The following PHOX2A variants were observed in gnomAD, a reference collection of about 807,000 sequenced individuals.
The protein encoded by PHOX2A is paired like homeobox 2A, also known as paired mesoderm homeobox protein 2A.
In PHOX2A, 10 loss-of-function variants were observed where a neutral mutation model predicts 16.4. The observed-to-expected ratio is 0.61, with a 90% confidence interval of 0.38 to 1.04. The LOEUF is 1.04. Ranked by LOEUF, PHOX2A falls within the 50% of genes least tolerant of loss-of-function variation. The pLI, the probability that PHOX2A is intolerant of heterozygous loss-of-function variation, is 0.01. For synonymous variants in PHOX2A, 219 were observed against 203.8 expected (o/e 1.07, Z -0.64); for missense variants, 361 against 419.4 (o/e 0.86, Z 1.22).
rs1949095282 is a variant in PHOX2A, at chr11:72,239,614, A to G, written c.*135T>C. 1.6e-6 allele frequency: 1 copy of G among 625,022 alleles called. No homozygotes were observed. The highest frequency in any genetic ancestry group is 1.9e-5 in the African/African-American group (1 of 52,582). The allele number at this position is 625,022 out of a possible 1,614,324, so 38.7% of individuals were successfully genotyped here. On this transcript the variant is annotated 3_prime_UTR_variant, in exon 3 of 3. Transcript: ENST00000298231. ...TGGTCTCCAAAGTTGGGGAGGACAC[A>G]CCGAGGGGTGAGACAGTAGGGAGTG...
intron 2 of PHOX2A, 132 bp downstream of exon 2, chr11:72,240,970 C>T: frequency 2.1e-6 from 2 of 955,946 alleles, no homozygotes; most frequent in Non-Finnish European, 3.2e-6. Flanking sequence ...CCCGTAGCTG[C>T]CCAAGCACCC....
Position 72,243,862 on chromosome 11 carries a change from G to A in PHOX2A, c.143C>T (p.Pro48Leu), listed in dbSNP as rs962759002. ...LRPAFPAAGP[P>L]CPALGSSNCA... ...GTTGGAGGAGCCGAGCGCGGGGCAG[G>A]GCGGCCCTGCCGCGGGGAAAGCGGG... Residue 48 changes from proline to leucine, a missense_variant, in exon 1 of 3, where the codon CCC (proline) becomes CTC (leucine). This residue lies in a region of PHOX2A where 235 missense variants were observed against 263.8 expected (regional missense o/e 0.89). Coordinates refer to ENST00000298231, the MANE Select transcript of PHOX2A (RefSeq NM_005169.4). The A allele has an allele frequency of 7.9e-7, 1 of 1,271,624 alleles. No homozygotes were observed. Among genetic ancestry groups the A allele is most frequent in the Middle Eastern group, 3.0e-4 (1 of 3,310 alleles). The allele number at this position is 1,271,624 out of a possible 1,614,324, so 78.8% of individuals were successfully genotyped here. A position where few individuals can be genotyped will look rare whatever the true frequency, so the allele number is the denominator to read the frequency against.
At position 72,239,171 on chromosome 11, in the gene PHOX2A, A is replaced by C. The variant is rs1292454660; in HGVS notation, c.*578T>G. 1 of 152,338 alleles carries C rather than the reference A, an allele frequency of 6.6e-6. No individual in the cohort carries two copies. Among genetic ancestry groups the C allele is most frequent in the African/African-American group, 2.4e-5 (1 of 41,464 alleles). The allele number at this position is 152,338 out of a possible 1,614,324, so 9.4% of individuals were successfully genotyped here. ...AAGGACAACCAAAAAAATTAGGGAA[A>C]GAGAATCCCTCTGTCCCATTCCCCA... On this transcript the variant is annotated 3_prime_UTR_variant, in exon 3 of 3. Transcript: ENST00000298231.
intron 1 of PHOX2A, among the ~76,000 whole-genome samples, chr11:72,243,095 G>T (rs976912931): frequency 6.6e-6 from 1 of 152,218 alleles, no homozygotes; most frequent in African/African-American, 2.4e-5. Context: ...GAGGTTGAGG[G>T]TTTGGACAGG....
In PHOX2A at chr11:72,244,011, G is replaced by T. The variant is rs763677231; in HGVS notation, c.-7C>A. On this transcript the variant is annotated 5_prime_UTR_variant, in exon 1 of 3. Transcript: ENST00000298231. ...TGAGGTAGGAGTAGTCCATCGGCCCGGGGGGCGGGGGCGGGGGCCGGGCCA... is the reference window on the plus strand; with the variant it reads ...TGAGGTAGGAGTAGTCCATCGGCCCTGGGGGCGGGGGCGGGGGCCGGGCCA... 3 of 1,263,076 alleles carry T rather than the reference G, an allele frequency of 2.4e-6. No individual in the cohort carries two copies. Among genetic ancestry groups the T allele is most frequent in the Non-Finnish European group, 3.0e-6 (3 of 993,880 alleles). 78.2% of individuals were successfully genotyped at this position (1,263,076 alleles called of 1,614,324 possible). A position where few individuals can be genotyped will look rare whatever the true frequency, so the allele number is the denominator to read the frequency against.
Position 72,240,046 on chromosome 11 carries a change from G to A in PHOX2A, c.558C>T (p.Pro186=), listed in dbSNP as rs758995593. Residue 186 remains proline (P), a synonymous_variant, in exon 3 of 3, where the codon CCC becomes CCT. Coordinates refer to ENST00000298231, the MANE Select transcript of PHOX2A (RefSeq NM_005169.4). ...GCGGCGGCAGCGAGGCGGTGCTATC[G>A]GGCGTGGGGCTGCACGTGGACTCCT... is the stretch of plus-strand genomic sequence containing the variant. ...DSKESTCSPT[P]DSTASLPPPP... 1.3e-6 allele frequency: 2 copies of A among 1,491,094 alleles called. No homozygotes were observed. Among genetic ancestry groups the A allele is most frequent in the South Asian group, 1.3e-5 (1 of 79,030 alleles). The allele number at this position is 1,491,094 out of a possible 1,614,324, so 92.4% of individuals were successfully genotyped here.
intron 2 of PHOX2A, 68 bp downstream of exon 2, chr11:72,241,034 G>T: frequency 2.0e-6 from 3 of 1,510,994 alleles, no homozygotes; most frequent in South Asian, 1.1e-5. Context: ...CTACCCCCAG[G>T]TGTTAGACAT....
chr11:72,243,015 G>A (rs984321187), intron 1 of PHOX2A, among the ~76,000 whole-genome samples: 1 of 152,094 alleles, frequency 6.6e-6, no homozygotes, highest in Non-Finnish European at 1.5e-5. Context: ...TCCCAGGAGG[G>A]AAGGCGATAA....
chr11:72,242,390 A>C (rs1030686250), intron 1 of PHOX2A, among the ~76,000 whole-genome samples: 2 of 151,790 alleles, frequency 1.3e-5, no homozygotes, highest in African/African-American at 2.4e-5. Context: ...CCTGATACTT[A>C]TCTCTATCTC....
rs930808582 is a variant in PHOX2A at position 72,239,277 on chromosome 11, T to C, written c.*472A>G. The C allele has an allele frequency of 1.2e-4, 18 of 153,524 alleles. No homozygotes were observed. The highest frequency in any genetic ancestry group is 4.3e-4 in the African/African-American group (18 of 41,438). The allele number at this position is 153,524 out of a possible 1,614,324, so 9.5% of individuals were successfully genotyped here. A position where few individuals can be genotyped will look rare whatever the true frequency, so the allele number is the denominator to read the frequency against. Reference sequence around the variant, plus strand: ...AGAGAGGAGACACGTGAGGGATGAATTGGCGGTGGTCATTAATTATCCCGG... The same window carrying C: ...AGAGAGGAGACACGTGAGGGATGAACTGGCGGTGGTCATTAATTATCCCGG... On this transcript the variant is annotated 3_prime_UTR_variant, in exon 3 of 3. Transcript: ENST00000298231.
Position 72,239,181 on chromosome 11 carries a change from T to C in PHOX2A, c.*568A>G, listed in dbSNP as rs1357322825. 1 of 152,310 alleles carries C rather than the reference T, an allele frequency of 6.6e-6. No individual in the cohort carries two copies. Among genetic ancestry groups the C allele is most frequent in the Non-Finnish European group, 1.5e-5 (1 of 68,122 alleles). The allele number at this position is 152,310 out of a possible 1,614,324, so 9.4% of individuals were successfully genotyped here. On this transcript the variant is annotated 3_prime_UTR_variant, in exon 3 of 3. Coordinates refer to ENST00000298231, the MANE Select transcript of PHOX2A (RefSeq NM_005169.4). ...AAAAAAATTAGGGAAAGAGAATCCC[T>C]CTGTCCCATTCCCCAGGCAGCCCCT...
intron 1 of PHOX2A, among the ~76,000 whole-genome samples, chr11:72,243,264 T>A (rs1949135957): frequency 6.6e-6 from 1 of 152,192 alleles, no homozygotes; most frequent in Admixed American, 6.5e-5. Flanking sequence ...ACAGAAGGGT[T>A]CGGTCCCAGG....
chr11:72,243,707 G>C, intron 1 of PHOX2A, 81 bp downstream of exon 1: 1 of 801,986 alleles, frequency 1.2e-6, no homozygotes, highest in Non-Finnish European at 1.7e-6. Flanking sequence ...GCGGCTGAGG[G>C]GGACAGTCGC....
chr11:72,244,011 GGGGGGCGGGGGC>G lies in PHOX2A; in HGVS notation c.-19_-8del. The G allele has an allele frequency of 7.9e-7, 1 of 1,263,064 alleles. No homozygotes were observed. Among genetic ancestry groups the G allele is most frequent in the Non-Finnish European group, 1.0e-6 (1 of 993,868 alleles). 78.2% of individuals were successfully genotyped at this position (1,263,064 alleles called of 1,614,324 possible). A position where few individuals can be genotyped will look rare whatever the true frequency, so the allele number is the denominator to read the frequency against. ...TGAGGTAGGAGTAGTCCATCGGCCC[GGGGGGCGGGGGC>G]GGGGGCCGGGCCAGGCCGGGTCGGG... On this transcript the variant is annotated 5_prime_UTR_variant, in exon 1 of 3. Transcript: ENST00000298231.
In PHOX2A at chr11:72,239,730, A is replaced by T. The variant is rs1484182897; in HGVS notation, c.*19T>A. ...GGGACGTCTCTGGGGGCAGGCTCGG[A>T]GCCTCCAGAGGCCGGCAGCTAGAAG... On this transcript the variant is annotated 3_prime_UTR_variant, in exon 3 of 3. Transcript: ENST00000298231. The T allele has an allele frequency of 7.7e-7, 1 of 1,305,568 alleles. No individual in the cohort carries two copies. The allele number at this position is 1,305,568 out of a possible 1,614,324, so 80.9% of individuals were successfully genotyped here. A position where few individuals can be genotyped will look rare whatever the true frequency, so the allele number is the denominator to read the frequency against.
At chr11:72,242,182 C>T (rs2135456858) in intron 1 of PHOX2A, among the ~76,000 whole-genome samples, 2 of 152,200 alleles carry the variant, frequency 1.3e-5, no homozygotes, top group Middle Eastern at 6.8e-3. Flanking sequence ...CCAGTCTCCA[C>T]TGCCCCATAG....
In PHOX2A at chr11:72,239,112, A is replaced by G. The variant is rs1484987477; in HGVS notation, c.*637T>C. 1 of 152,182 alleles carries G rather than the reference A, an allele frequency of 6.6e-6. No homozygotes were observed. The highest frequency in any genetic ancestry group is 1.5e-5 in the Non-Finnish European group (1 of 68,058). The allele number at this position is 152,182 out of a possible 1,614,324, so 9.4% of individuals were successfully genotyped here. A position where few individuals can be genotyped will look rare whatever the true frequency, so the allele number is the denominator to read the frequency against. On this transcript the variant is annotated 3_prime_UTR_variant, in exon 3 of 3. Transcript: ENST00000298231. ...AAATTAAGTTTTATTTGGATTGAGT[A>G]AAACTTCAATAAATTACAAGTTTTT...
intron 1 of PHOX2A, among the ~76,000 whole-genome samples, chr11:72,243,383 G>A (rs1949136809): frequency 6.6e-6 from 1 of 152,148 alleles, no homozygotes; most frequent in South Asian, 2.1e-4. Flanking sequence ...TGGGGGTCAT[G>A]CATCTCGTGG....
chr11:72,243,302 G>A (rs980893337), intron 1 of PHOX2A, among the ~76,000 whole-genome samples: 1 of 152,150 alleles, frequency 6.6e-6, no homozygotes, highest in Non-Finnish European at 1.5e-5. Context: ...AGGGCAGGAG[G>A]GGCCTGATGG....
Sources: allele counts gnomAD v4.1 joint callset (sites outside exome capture counted in the v4.1 genomes callset), GRCh38; gene constraint gnomAD v4.1.1; regional missense constraint gnomAD v4.1.1; transcripts MANE v1.5; gene names NCBI Gene and HGNC (gene_info 2026-07-23, HGNC 2026-07-21).